The following CHST9 variants were observed in gnomAD, a reference collection of about 807,000 sequenced individuals.
The protein encoded by CHST9 is carbohydrate sulfotransferase 9.
Under a neutral mutation model 44.4 loss-of-function variants are expected in CHST9, and 41 were observed. The ratio of observed to expected loss-of-function variants is 0.92; its 90% CI spans 0.72 to 1.20. CHST9 has a LOEUF of 1.20. Ranked by LOEUF, CHST9 falls within the 50% of genes most tolerant of loss-of-function variation. CHST9 has a pLI of 0.00. For synonymous variants in CHST9, 171 were observed against 178.4 expected (o/e 0.96, Z 0.33); for missense variants, 504 against 516.5 (o/e 0.98, Z 0.23).
rs2055541560 is a variant in CHST9, at chr18:26,917,003, C to T, written c.588G>A (p.Gln196=). 2 of 1,613,786 alleles carry T rather than the reference C, an allele frequency of 1.2e-6. No individual in the cohort carries two copies. The highest frequency in any genetic ancestry group is 1.7e-6 in the Non-Finnish European group (2 of 1,179,886). The part of the protein sequence containing the change: ...CKKYGGVSHH[Q]SHLFHTVSRI... ...TGGATACTGTATGAAAAAGATGTGA[C>T]TGATGATGACTCACCCCACCGTATT... The change falls in exon 6 of 6, where the codon CAG becomes CAA. Residue 196 remains glutamine, a synonymous_variant. Transcript: ENST00000618847.
intron 2 of CHST9, among the ~76,000 whole-genome samples, chr18:27,075,161 T>C (rs1281569005): frequency 7.4e-6 from 1 of 134,278 alleles, no homozygotes; most frequent in East Asian, 2.1e-4. Flanking sequence ...CTTTTTTTGT[T>C]TGTTTTTTTT....
At chr18:27,031,237 A>G (rs1411625610) in intron 3 of CHST9, among the ~76,000 whole-genome samples, 2 of 152,186 alleles carry the variant, frequency 1.3e-5, no homozygotes, top group African/African-American at 4.8e-5. Context: ...TAGCTTCCAC[A>G]TCAGTGTCCC....
rs1254328336 is a variant in CHST9 at position 27,142,721 on chromosome 18, T to C, written c.89A>G (p.Tyr30Cys). Residue 30 changes from tyrosine (Y) to cysteine (C), a missense_variant, in exon 2 of 6, where the codon TAT becomes TGT. Tyr to Cys is a radical substitution (Grantham distance 194). Transcript: ENST00000618847. The stretch of plus-strand genomic sequence containing the variant: ...TTGTTCTTCAATCCAGACTTGCAAA[T>C]ACATGAAGAGGAGTAGCCCAGCTAC... ...FGVAGLLLFM[Y>C]LQVWIEEQHT... 1.9e-6 allele frequency: 3 copies of C among 1,610,668 alleles called. No individual in the cohort carries two copies. Among genetic ancestry groups the C allele is most frequent in the East Asian group, 2.2e-5 (1 of 44,792 alleles).
At chr18:26,952,902 A>C (rs1403564590) in intron 4 of CHST9, among the ~76,000 whole-genome samples, 1 of 152,110 alleles carries the variant, frequency 6.6e-6, no homozygotes, top group African/African-American at 2.4e-5. Context: ...ATGGTTAGCA[A>C]GCTGTGGGCA....
chr18:26,933,143 C>G (rs1202273217), intron 5 of CHST9: 1 of 153,772 alleles, frequency 6.5e-6, no homozygotes, highest in East Asian at 1.9e-4. Context: ...AGATGCATAT[C>G]CCACATCCAG....
intron 4 of CHST9, among the ~76,000 whole-genome samples, chr18:27,015,856 C>T (rs1027101918): frequency 1.2e-4 from 19 of 152,176 alleles, no homozygotes; most frequent in African/African-American, 4.1e-4. Context: ...TTGGGTCCCT[C>T]GCAAGGTCTC....
At chr18:27,018,141 C>T (rs2057176989) in intron 4 of CHST9, among the ~76,000 whole-genome samples, 1 of 152,110 alleles carries the variant, frequency 6.6e-6, no homozygotes, top group Non-Finnish European at 1.5e-5. Flanking sequence ...TCCATCACCG[C>T]TGAATTATTC....
intron 1 of CHST9, among the ~76,000 whole-genome samples, chr18:27,159,467 T>C (rs1427088470): frequency 2.6e-5 from 4 of 152,192 alleles, no homozygotes; most frequent in Admixed American, 2.0e-4. Flanking sequence ...CATTGGTCTA[T>C]ATCTCTGTTT....
intron 2 of CHST9, among the ~76,000 whole-genome samples, chr18:27,105,409 G>T (rs2058212622): frequency 6.6e-6 from 1 of 152,110 alleles, no homozygotes; most frequent in Non-Finnish European, 1.5e-5. Flanking sequence ...GACTCATTGT[G>T]ATTTAGAACC....
At position 27,004,084 on chromosome 18, in the gene CHST9, C is replaced by T. The variant is rs537246679; in HGVS notation, c.202+20032G>A. On this transcript the variant is annotated intron_variant, in intron 4 of 5. Coordinates refer to ENST00000618847, the MANE Select transcript of CHST9 (RefSeq NM_031422.6). Reference sequence around the variant, plus strand: ...CACAAAACAGAGATAAAAACCAAAACCAGAACTCAGTCTCACACCTAATGA... The same window carrying T: ...CACAAAACAGAGATAAAAACCAAAATCAGAACTCAGTCTCACACCTAATGA... 2.0e-5 allele frequency among the ~76,000 whole-genome samples: 3 copies of T among 150,148 alleles called. No homozygotes were observed. In the East Asian group the frequency reaches 5.8e-4, roughly 29 times the overall value.
intron 4 of CHST9, among the ~76,000 whole-genome samples, chr18:27,005,460 T>G (rs2057005286): frequency 1.3e-5 from 2 of 152,178 alleles, no homozygotes; most frequent in Admixed American, 6.6e-5. Context: ...TGATATTTAC[T>G]TCAAATCGAT....
At chr18:27,053,310 GAGA>G (rs1181346647) in intron 2 of CHST9, among the ~76,000 whole-genome samples, 1 of 124,304 alleles carries the variant, frequency 8.0e-6, no homozygotes, top group African/African-American at 3.0e-5. Context: ...GAAGGAGAAG[GAGA>G]AGGAGAAGGA....
At chr18:27,062,547 A>C (rs946355357) in intron 2 of CHST9, among the ~76,000 whole-genome samples, 1 of 151,988 alleles carries the variant, frequency 6.6e-6, no homozygotes, top group Admixed American at 6.6e-5. Context: ...ACATTTTCTT[A>C]TCCAGTCTAT....
At chr18:27,094,199 T>C (rs1384783872) in intron 2 of CHST9, among the ~76,000 whole-genome samples, 2 of 152,206 alleles carry the variant, frequency 1.3e-5, no homozygotes, top group African/African-American at 4.8e-5. Context: ...ATCATAATCA[T>C]AAAACACTGA....
intron 1 of CHST9, among the ~76,000 whole-genome samples, chr18:27,162,083 C>A (rs1283685673): frequency 6.6e-6 from 1 of 152,150 alleles, no homozygotes; most frequent in African/African-American, 2.4e-5. Flanking sequence ...CTGTGTCTTT[C>A]AGTTGGAGCA....
At chr18:27,047,584 G>A (rs1274386561) in intron 3 of CHST9, among the ~76,000 whole-genome samples, 1 of 152,020 alleles carries the variant, frequency 6.6e-6, no homozygotes, top group Non-Finnish European at 1.5e-5. Flanking sequence ...AGATTAAGAT[G>A]GATCTTTGTC....
intron 3 of CHST9, among the ~76,000 whole-genome samples, chr18:27,030,579 T>C (rs1292268725): frequency 6.6e-6 from 1 of 152,252 alleles, no homozygotes; most frequent in Non-Finnish European, 1.5e-5. Context: ...AAGCCTTGCC[T>C]GTGCGGAGGC....
At chr18:27,007,094 G>A (rs761324929) in intron 4 of CHST9, among the ~76,000 whole-genome samples, 1 of 152,146 alleles carries the variant, frequency 6.6e-6, no homozygotes, top group Non-Finnish European at 1.5e-5. Context: ...AAGTCTCCAT[G>A]GTGGAGAAAC....
chr18:27,069,903 A>G (rs57381446), intron 2 of CHST9, among the ~76,000 whole-genome samples: 20,247 of 152,186 alleles, frequency 0.13, 1,927 homozygotes, highest in African/African-American at 0.26. Context: ...TGAGCCAGAA[A>G]GAGGTTCAAA....
Sources: gnomAD v4.1 joint callset for allele counts (sites outside exome capture counted in the v4.1 genomes callset) on GRCh38, gnomAD v4.1.1 for gene constraint, MANE v1.5 for transcripts, NCBI Gene and HGNC (gene_info 2026-07-23, HGNC 2026-07-21) for gene names.